SLC71A2: variants seen among roughly 807,000 people sequenced by gnomAD.
The protein encoded by SLC71A2 is solute carrier family 71 member 2.
At chr9:94,395,770 G>A in the SLC71A2 span, among the ~76,000 whole-genome samples, 1 of 152,122 alleles carries the variant, frequency 6.6e-6, no homozygotes, top group East Asian at 1.9e-4. Context: ...AATTATTATG[G>A]TTGAATTAGA....
the SLC71A2 span, chr9:94,444,870 G>A: frequency 1.8e-6 from 2 of 1,131,434 alleles, no homozygotes; most frequent in East Asian, 2.4e-5. Context: ...TTTCCTGAAG[G>A]TGTGCACCTG....
the SLC71A2 span, chr9:94,453,862 T>G: frequency 6.2e-6 from 5 of 804,310 alleles, no homozygotes; most frequent in Non-Finnish European, 1.1e-5. Context: ...CCCTTAGAGG[T>G]CTCTGGTCAT....
At chr9:94,444,784 A>G in the SLC71A2 span, among the ~76,000 whole-genome samples, 1 of 152,216 alleles carries the variant, frequency 6.6e-6, no homozygotes, top group Non-Finnish European at 1.5e-5. Flanking sequence ...TATATGCAAC[A>G]CATTTCTTTT....
chr9:94,455,676 A>G, the SLC71A2 span, among the ~76,000 whole-genome samples: 1 of 152,116 alleles, frequency 6.6e-6, no homozygotes, highest in Non-Finnish European at 1.5e-5. Context: ...GACCATCCCA[A>G]AGTTGGGGCC....
At chr9:94,445,315 T>C in the SLC71A2 span, 1 of 700,990 alleles carries the variant, frequency 1.4e-6, no homozygotes, top group African/African-American at 1.8e-5. Context: ...AAAAAATTAA[T>C]TGCAAGTAAG....
At chr9:94,412,276 G>C in the SLC71A2 span, among the ~76,000 whole-genome samples, 1 of 152,178 alleles carries the variant, frequency 6.6e-6, no homozygotes, top group Non-Finnish European at 1.5e-5. Flanking sequence ...ATTTTTAGAA[G>C]CTTTTTATAT....
chr9:94,458,203 T>TATC, the SLC71A2 span: 1 of 755,966 alleles, frequency 1.3e-6, no homozygotes, highest in Non-Finnish European at 2.1e-6. Context: ...TAGCATGCTT[T>TATC]CTCTTTTCCT....
At chr9:94,414,461 T>C in the SLC71A2 span, among the ~76,000 whole-genome samples, 1 of 152,188 alleles carries the variant, frequency 6.6e-6, no homozygotes, top group East Asian at 1.9e-4. Flanking sequence ...CCTCAGGCCT[T>C]TGAGCATGTG....
the SLC71A2 span, among the ~76,000 whole-genome samples, chr9:94,382,853 TTTTTAGTAGAGTTGCAG>T: frequency 1.2e-4 from 18 of 151,938 alleles, no homozygotes; most frequent in Non-Finnish European, 2.2e-4. Context: ...ATTTTTTGTA[TTTTTAGTAGAGTTGCAG>T]TTTTAGTAGA....
the SLC71A2 span, among the ~76,000 whole-genome samples, chr9:94,399,635 C>T: frequency 7.9e-5 from 12 of 152,112 alleles, no homozygotes; most frequent in African/African-American, 2.7e-4. Context: ...TTTAATTGGT[C>T]AGTCACAGCA....
chr9:94,434,339 G>T, the SLC71A2 span, among the ~76,000 whole-genome samples: 1 of 151,984 alleles, frequency 6.6e-6, no homozygotes, highest in Non-Finnish European at 1.5e-5. Flanking sequence ...TTTTTGAGAC[G>T]GAGTCCCACC....
At chr9:94,412,162 A>C in the SLC71A2 span, among the ~76,000 whole-genome samples, 1 of 152,156 alleles carries the variant, frequency 6.6e-6, no homozygotes, top group South Asian at 2.1e-4. Context: ...TTAATTTTGC[A>C]TGTTTCTTAA....
At chr9:94,451,017 C>T in the SLC71A2 span, among the ~76,000 whole-genome samples, 1 of 152,136 alleles carries the variant, frequency 6.6e-6, no homozygotes, top group African/African-American at 2.4e-5. Context: ...GCTCTCCTTC[C>T]CTTGCTCTCC....
At chr9:94,459,140 C>G in the SLC71A2 span, 1 of 1,608,406 alleles carries the variant, frequency 6.2e-7, no homozygotes, top group Non-Finnish European at 8.5e-7. Context: ...TTTGTCTCCA[C>G]TTGTTTTCCA....
the SLC71A2 span, among the ~76,000 whole-genome samples, chr9:94,417,172 A>G: frequency 3.3e-5 from 5 of 152,206 alleles, no homozygotes; most frequent in African/African-American, 1.2e-4. Flanking sequence ...AGATAAACCA[A>G]ATCACTTTTT....
chr9:94,428,487 C>T, the SLC71A2 span, among the ~76,000 whole-genome samples: 2 of 147,970 alleles, frequency 1.4e-5, no homozygotes, highest in African/African-American at 5.1e-5. Flanking sequence ...TTTTAATTTC[C>T]GTTTTTTAAA....
At chr9:94,394,975 G>A in the SLC71A2 span, among the ~76,000 whole-genome samples, 1 of 99,934 alleles carries the variant, frequency 1.0e-5, no homozygotes, top group Non-Finnish European at 2.1e-5. Flanking sequence ...GTGCAGTGGC[G>A]TGATCTTGGC....
At chr9:94,435,337 C>G in the SLC71A2 span, among the ~76,000 whole-genome samples, 3 of 152,208 alleles carry the variant, frequency 2.0e-5, no homozygotes, top group Non-Finnish European at 4.4e-5. Flanking sequence ...TTCTCGTATA[C>G]TCTACCTCCT....
chr9:94,427,663 T>C, the SLC71A2 span, among the ~76,000 whole-genome samples: 1 of 138,364 alleles, frequency 7.2e-6, no homozygotes, highest in Non-Finnish European at 1.5e-5. Context: ...CCTGGAGGTG[T>C]TGGTGCAGTG....
Sources: gnomAD v4.1 joint callset for allele counts (sites outside exome capture counted in the v4.1 genomes callset) on GRCh38, gnomAD v4.1.1 for gene constraint, MANE v1.5 for transcripts, NCBI Gene and HGNC (gene_info 2026-07-23, HGNC 2026-07-21) for gene names.